The following ABL1 variants were observed in gnomAD, a reference collection of about 807,000 sequenced individuals.
ABL1 encodes ABL proto-oncogene 1, non-receptor tyrosine kinase.
In ABL1, 11 loss-of-function variants were observed where a neutral mutation model predicts 94.7. That is an observed-to-expected ratio of 0.12 (90% CI 0.07 to 0.19). The LOEUF (loss-of-function observed/expected upper bound fraction) is 0.19. ABL1 is among the 10% of genes least tolerant of loss of function. ABL1 has a pLI of 1.00. For synonymous variants in ABL1, 656 were observed against 622.4 expected (o/e 1.05, Z -0.80); for missense variants, 1,082 against 1,489.4 (o/e 0.73, Z 4.50).
chr9:130,759,278 A>T (rs1564281903), intron 1 of ABL1, among the ~76,000 whole-genome samples: 1 of 152,164 alleles, frequency 6.6e-6, no homozygotes, highest in Non-Finnish European at 1.5e-5. Context: ...TTGATCTCCC[A>T]ACTGGTCGTT....
intron 4 of ABL1, among the ~76,000 whole-genome samples, chr9:130,865,635 A>G (rs982330138): frequency 2.0e-5 from 3 of 151,006 alleles, no homozygotes; most frequent in Admixed American, 6.6e-5. Context: ...ATTCCTAGCT[A>G]CTTGGGAGGC....
chr9:130,750,320 C>A (rs1035904595), intron 1 of ABL1, among the ~76,000 whole-genome samples: 3 of 147,038 alleles, frequency 2.0e-5, no homozygotes, highest in Admixed American at 6.9e-5. Flanking sequence ...TAAGTTTTGT[C>A]AGTTGAACAG....
At chr9:130,736,305 C>T (rs1191431430) in intron 1 of ABL1, among the ~76,000 whole-genome samples, 1 of 151,896 alleles carries the variant, frequency 6.6e-6, no homozygotes, top group Non-Finnish European at 1.5e-5. Flanking sequence ...ACATTTTCTT[C>T]CGTAGACATC....
At chr9:130,818,474 A>G (rs1036820765) in intron 1 of ABL1, among the ~76,000 whole-genome samples, 9 of 152,248 alleles carry the variant, frequency 5.9e-5, no homozygotes, top group Admixed American at 4.6e-4. Context: ...CATTTCAAAA[A>G]AAAATAAAAT....
chr9:130,735,961 A>ATATATATATATATATTTTTT (rs573602038), intron 1 of ABL1, among the ~76,000 whole-genome samples: 1 of 94,844 alleles, frequency 1.1e-5, no homozygotes, highest in African/African-American at 6.4e-5. Flanking sequence ...ATATATATAT[A>ATATATATATATATATTTTTT]TTTTTTTTTT....
intron 1 of ABL1, among the ~76,000 whole-genome samples, chr9:130,780,686 C>G (rs531764960): frequency 7.9e-5 from 12 of 152,232 alleles, no homozygotes; most frequent in Admixed American, 3.9e-4. Flanking sequence ...GGAGGGAGCT[C>G]CAGAAATGTG....
intron 1 of ABL1, among the ~76,000 whole-genome samples, chr9:130,764,564 T>G (rs1832157037): frequency 6.6e-6 from 1 of 152,210 alleles, no homozygotes; most frequent in Admixed American, 6.5e-5. Context: ...TTTTTCGTGG[T>G]GGCACTGTGT....
chr9:130,731,041 C>T lies in ABL1; in HGVS notation c.136+16586C>T, dbSNP rs1197636174. 8.6e-5 allele frequency among the ~76,000 whole-genome samples: 9 copies of T among 104,258 alleles called. No homozygotes were observed. The South Asian group carries it at 1.7e-3, about 20-fold the overall frequency. The allele number at this position is 104,258 out of a possible 152,430, so 68.4% of individuals were successfully genotyped here. ...TTTTTTTTTGAGACAGAGTCTTGCT[C>T]TGTCACTCAGGCTGGATTACAGTGG... On this transcript the variant is annotated intron_variant, in intron 1 of 10. Coordinates refer to the ABL1 transcript ENST00000372348.
At chr9:130,783,366 A>C (rs1829782709) in intron 1 of ABL1, among the ~76,000 whole-genome samples, 1 of 152,226 alleles carries the variant, frequency 6.6e-6, no homozygotes, top group Non-Finnish European at 1.5e-5. Flanking sequence ...TTAGCTTGGC[A>C]GTAATCACAA....
At chr9:130,807,602 T>A (rs1381988405) in intron 1 of ABL1, among the ~76,000 whole-genome samples, 1 of 150,776 alleles carries the variant, frequency 6.6e-6, no homozygotes, top group African/African-American at 2.4e-5. Flanking sequence ...CATCTAAGAT[T>A]TTTATTATAA....
chr9:130,793,778 A>G (rs143504760), intron 1 of ABL1, among the ~76,000 whole-genome samples: 1 of 152,134 alleles, frequency 6.6e-6, no homozygotes, highest in Non-Finnish European at 1.5e-5. Context: ...CAGGTAAGCA[A>G]TGAAGCTTCA....
At chr9:130,735,803 A>G (rs1331061680) in intron 1 of ABL1, among the ~76,000 whole-genome samples, 2 of 151,344 alleles carry the variant, frequency 1.3e-5, no homozygotes, top group African/African-American at 2.4e-5. Context: ...AAGTCGGGGC[A>G]CTGGGTTTAA....
chr9:130,815,387 T>C (rs550007107), intron 1 of ABL1, among the ~76,000 whole-genome samples: 2 of 152,312 alleles, frequency 1.3e-5, no homozygotes, highest in Admixed American at 1.3e-4. Flanking sequence ...AGATCTGATA[T>C]AGTCACTTCT....
At position 130,835,625 on chromosome 9, in the gene ABL1, C is replaced by A; in HGVS notation, c.79+100C>A. 1.1e-6 allele frequency: 1 copy of A among 878,788 alleles called. No homozygotes were observed. The highest frequency in any genetic ancestry group is 1.8e-6 in the Non-Finnish European group (1 of 556,166). 54.4% of individuals were successfully genotyped at this position (878,788 alleles called of 1,614,324 possible). On this transcript the variant is annotated intron_variant, in intron 1 of 10. Coordinates refer to ENST00000318560, the MANE Select transcript of ABL1 (RefSeq NM_005157.6). This position sits in a 1 kb window ranked among gnomAD's most constrained non-coding sequence, Gnocchi z 4.6. ...GCCGCCCGCGCGCTCCCGCCTGCGC[C>A]CTCCCCGGGTCTTGTCTTTTTTTTC...
intron 1 of ABL1, among the ~76,000 whole-genome samples, chr9:130,743,140 T>C (rs193236321): frequency 2.2e-3 from 328 of 152,308 alleles, no homozygotes; most frequent in African/African-American, 7.5e-3. Context: ...TGGCGTGATA[T>C]CGGCTCACTG....
At chr9:130,792,320 T>C (rs1829919494) in intron 1 of ABL1, among the ~76,000 whole-genome samples, 1 of 152,222 alleles carries the variant, frequency 6.6e-6, no homozygotes, top group Middle Eastern at 3.2e-3. Flanking sequence ...GGATTTTACT[T>C]TCTGCCCTTC....
At chr9:130,745,285 T>C (rs1831874449) in intron 1 of ABL1, among the ~76,000 whole-genome samples, 1 of 152,000 alleles carries the variant, frequency 6.6e-6, no homozygotes, top group Non-Finnish European at 1.5e-5. Flanking sequence ...GATTTCTCCA[T>C]GTTGGTCAAG....
intron 1 of ABL1, among the ~76,000 whole-genome samples, chr9:130,718,501 G>T (rs1831474846): frequency 6.6e-6 from 1 of 152,052 alleles, no homozygotes; most frequent in African/African-American, 2.4e-5. Flanking sequence ...TTTCTAATGT[G>T]GTAACTATTG....
At chr9:130,759,100 C>T (rs1832078158) in intron 1 of ABL1, among the ~76,000 whole-genome samples, 2 of 151,906 alleles carry the variant, frequency 1.3e-5, no homozygotes, top group African/African-American at 2.4e-5. Context: ...TTTGTTGTTG[C>T]GTAGAGGAAG....
Sources: gnomAD v4.1 joint callset for allele counts (sites outside exome capture counted in the v4.1 genomes callset) on GRCh38, gnomAD v4.1.1 for gene constraint, Gnocchi (gnomAD v3.1) non-coding constraint, MANE v1.5 for transcripts, NCBI Gene and HGNC (gene_info 2026-07-23, HGNC 2026-07-21) for gene names.